Variants in DENND1A observed in about 807,000 individuals in gnomAD.
DENND1A encodes DENN domain containing 1A.
Under a neutral mutation model 113.7 loss-of-function variants are expected in DENND1A, and 51 were observed. The observed-to-expected ratio is 0.45, with a 90% CI of 0.36 to 0.57. The LOEUF (loss-of-function observed/expected upper bound fraction) is 0.57. Ranked by LOEUF, DENND1A falls within the 20% of genes least tolerant of loss-of-function variation. The pLI is 0.00. For synonymous variants in DENND1A, 565 were observed against 570.8 expected (o/e 0.99, Z 0.14); for missense variants, 1,258 against 1,395.9 (o/e 0.90, Z 1.57).
chr9:123,881,289 A>G (rs1342320853), intron 1 of DENND1A, among the ~76,000 whole-genome samples: 1 of 152,216 alleles, frequency 6.6e-6, no homozygotes, highest in Admixed American at 6.5e-5. Context: ...ATGGGACCAA[A>G]TATTTGTGGA....
chr9:123,474,199 T>C (rs1308576310), intron 13 of DENND1A, among the ~76,000 whole-genome samples: 1 of 152,092 alleles, frequency 6.6e-6, no homozygotes, highest in Non-Finnish European at 1.5e-5. Context: ...TTCACAATGT[T>C]AGTCAGGCTG....
At chr9:123,492,880 T>A (rs1816339282) in intron 13 of DENND1A, 1 of 151,956 alleles carries the variant, frequency 6.6e-6, no homozygotes, top group African/African-American at 2.4e-5. Flanking sequence ...AGGAGGGAAA[T>A]GGATCTTGGC....
At chr9:123,777,162 A>G (rs1019019685) in intron 3 of DENND1A, among the ~76,000 whole-genome samples, 7 of 152,234 alleles carry the variant, frequency 4.6e-5, no homozygotes, top group African/African-American at 1.2e-4. Flanking sequence ...AAAGTTTCCA[A>G]TGAAAAGGCA....
chr9:123,771,752 T>A (rs1051714430), intron 3 of DENND1A, among the ~76,000 whole-genome samples: 1 of 152,176 alleles, frequency 6.6e-6, no homozygotes, highest in Non-Finnish European at 1.5e-5. Flanking sequence ...TGAACTTGTC[T>A]GTCAGATAAT....
chr9:123,524,420 A>G (rs1211044982), intron 13 of DENND1A, among the ~76,000 whole-genome samples: 1 of 152,242 alleles, frequency 6.6e-6, no homozygotes, highest in Non-Finnish European at 1.5e-5. Flanking sequence ...GCAAACGCAA[A>G]AGCCTTCATG....
intron 13 of DENND1A, among the ~76,000 whole-genome samples, chr9:123,511,056 A>T (rs1435750720): frequency 6.6e-6 from 1 of 152,204 alleles, no homozygotes; most frequent in African/African-American, 2.4e-5. Context: ...GGCTGTGCAG[A>T]GGCCAGCTAC....
chr9:123,796,531 T>C (rs1752165), intron 2 of DENND1A, among the ~76,000 whole-genome samples: 46,070 of 152,052 alleles, frequency 0.3, 10,628 homozygotes, highest in African/African-American at 0.65. Flanking sequence ...ACCAGATTGC[T>C]ACAGAATGTT....
At chr9:123,889,141 A>G (rs1266174198) in intron 1 of DENND1A, among the ~76,000 whole-genome samples, 1 of 152,180 alleles carries the variant, frequency 6.6e-6, no homozygotes, top group Non-Finnish European at 1.5e-5. Context: ...CACAGGAATG[A>G]CATGTGGTTC....
chr9:123,734,160 CAG>C (rs1270366251), intron 5 of DENND1A, among the ~76,000 whole-genome samples: 1 of 152,016 alleles, frequency 6.6e-6, no homozygotes, highest in African/African-American at 2.4e-5. Context: ...TATGTAGAGG[CAG>C]AGTCATTATT....
chr9:123,745,447 T>C (rs968883874), intron 5 of DENND1A, among the ~76,000 whole-genome samples: 2 of 152,236 alleles, frequency 1.3e-5, no homozygotes, highest in African/African-American at 2.4e-5. Flanking sequence ...GTGGCAGCAG[T>C]GTGGTGCATG....
chr9:123,814,328 A>G (rs912485703), intron 2 of DENND1A, among the ~76,000 whole-genome samples: 1 of 152,156 alleles, frequency 6.6e-6, no homozygotes, highest in African/African-American at 2.4e-5. Context: ...CCAGCCATCT[A>G]TTGGAACCTA....
intron 4 of DENND1A, among the ~76,000 whole-genome samples, chr9:123,758,570 C>T (rs2070770714): frequency 6.6e-6 from 1 of 152,132 alleles, no homozygotes; most frequent in Admixed American, 6.5e-5. Context: ...TTCATAATTT[C>T]TGAATTTATG....
intron 12 of DENND1A, among the ~76,000 whole-genome samples, chr9:123,567,429 A>C (rs1427832160): frequency 6.6e-6 from 1 of 152,084 alleles, no homozygotes; most frequent in Non-Finnish European, 1.5e-5. Flanking sequence ...AACATCCACC[A>C]ATTTTTTTTT....
intron 18 of DENND1A, among the ~76,000 whole-genome samples, chr9:123,446,148 A>G (rs145011293): frequency 6.6e-6 from 1 of 152,332 alleles, no homozygotes; most frequent in Non-Finnish European, 1.5e-5. Context: ...AAAGGCCCCT[A>G]TGGGCAGAGG....
chr9:123,712,716 G>T lies in DENND1A; in HGVS notation c.303-35927C>A, dbSNP rs2066713421. On this transcript the variant is annotated intron_variant, in intron 5 of 23. Coordinates refer to ENST00000394215, the MANE Select transcript of DENND1A (RefSeq NM_001352964.2). ...GCTTCTTTTAACTGGGTTTAGGAGA[G>T]AAATTAATTAATTAACAAAACAGGC... Among the ~76,000 whole-genome samples the T allele has an allele frequency of 2.0e-5, 3 of 152,300 alleles. No individual in the cohort carries two copies. In the South Asian group the frequency reaches 6.2e-4, roughly 32 times the overall value.
intron 5 of DENND1A, among the ~76,000 whole-genome samples, chr9:123,707,266 T>C (rs1212491412): frequency 6.6e-6 from 1 of 151,822 alleles, no homozygotes; most frequent in African/African-American, 2.4e-5. Flanking sequence ...TGGTGGCGCA[T>C]GCCTGTAATC....
intron 14 of DENND1A, 119 bp downstream of exon 14, chr9:123,457,674 C>T (rs2048230715): frequency 2.1e-6 from 2 of 968,728 alleles, no homozygotes; most frequent in Non-Finnish European, 1.5e-6. Flanking sequence ...CTCCCCTGAG[C>T]CTCTTTTGCC....
intron 5 of DENND1A, among the ~76,000 whole-genome samples, chr9:123,725,601 G>T (rs2067648164): frequency 6.6e-6 from 1 of 152,244 alleles, no homozygotes; most frequent in Admixed American, 6.5e-5. Flanking sequence ...CTGCAGGCAG[G>T]CTTTGCTTAG....
At chr9:123,456,988 G>C (rs991713424) in intron 15 of DENND1A, 1 of 207,424 alleles carries the variant, frequency 4.8e-6, no homozygotes, top group African/African-American at 2.3e-5. Context: ...TTTAGCTACA[G>C]AAGGGGAAAT....
Sources: allele counts gnomAD v4.1 joint callset (sites outside exome capture counted in the v4.1 genomes callset), GRCh38; gene constraint gnomAD v4.1.1; transcripts MANE v1.5; gene names NCBI Gene and HGNC (gene_info 2026-07-23, HGNC 2026-07-21).